Variants in DST observed in about 807,000 individuals in gnomAD.
DST encodes dystonin.
A neutral mutation model predicts 875.2 loss-of-function variants in DST; 253 were observed. The observed-to-expected ratio is 0.29, with a 90% CI of 0.26 to 0.32. DST has a LOEUF of 0.32. Among genes scored for constraint, DST ranks in the 10% least tolerant of loss-of-function variants. The probability of loss-of-function intolerance (pLI) is 1.00; values close to 1 mark genes in which losing one functional copy is unlikely to be tolerated. For synonymous variants in DST, 3,124 were observed against 3,197.1 expected, an observed-to-expected ratio of 0.98 and a Z score of 0.77; for missense variants, 8,287 against 9,111.6, an observed-to-expected ratio of 0.91 and a Z score of 3.68.
At chr6:56,516,198 G>GAGAAC (rs1562499505) in intron 71 of DST, among the ~76,000 whole-genome samples, 3 of 90,614 alleles carry the variant, frequency 3.3e-5, no homozygotes, top group Non-Finnish European at 7.0e-5. Context: ...AGAAAGAGAA[G>GAGAAC]GAGAAAGAGA....
At chr6:56,941,928 A>T (rs1816820258) in intron 2 of DST, among the ~76,000 whole-genome samples, 1 of 152,200 alleles carries the variant, frequency 6.6e-6, no homozygotes, top group South Asian at 2.1e-4. Flanking sequence ...TTGATCACCA[A>T]CTATGATTAC....
chr6:56,490,576 A>G (rs915745499), intron 85 of DST, among the ~76,000 whole-genome samples: 2 of 152,190 alleles, frequency 1.3e-5, no homozygotes, highest in African/African-American at 4.8e-5. Context: ...ACAAACCTTC[A>G]TATCCCTCTC....
chr6:56,642,658 C>T lies in DST; in HGVS notation c.1779-155G>A, dbSNP rs2098917807. On this transcript the variant is annotated intron_variant, in intron 15 of 103. Coordinates refer to ENST00000680361, the MANE Select transcript of DST (RefSeq NM_001374736.1). ...AAAGGATTCACTGCCGAAGCTAATG[C>T]AAGAGTTGATCAGTGTTGGACCACA... 3 of 1,614,150 alleles carry T rather than the reference C, an allele frequency of 1.9e-6. No individual in the cohort carries two copies. Among genetic ancestry groups the T allele is most frequent in the Non-Finnish European group, 2.5e-6 (3 of 1,180,016 alleles).
chr6:56,945,839 A>AT (rs936274512), intron 2 of DST: 5 of 151,526 alleles, frequency 3.3e-5, no homozygotes, highest in Non-Finnish European at 5.9e-5. Context: ...AGCATTCCAT[A>AT]TTTAAAAAAA....
chr6:56,699,613 C>T, intron 9 of DST, 40 bp downstream of exon 9: 2 of 993,294 alleles, frequency 2.0e-6, no homozygotes, highest in Non-Finnish European at 3.0e-6. Context: ...CACCTGAAAA[C>T]TAGCAATTAG....
chr6:56,485,679 C>T (rs571569071), intron 87 of DST, among the ~76,000 whole-genome samples: 45 of 152,270 alleles, frequency 3.0e-4, no homozygotes, highest in Admixed American at 8.5e-4. Flanking sequence ...GGCATCTGTT[C>T]CAGGAAAATT....
At chr6:56,464,804 G>T in intron 99 of DST, 48 bp from the exon 100 acceptor site, 1 of 1,396,102 alleles carries the variant, frequency 7.2e-7, no homozygotes. Flanking sequence ...AATACTGTTA[G>T]CAGAAGAAGA....
chr6:56,459,242 T>A lies in DST; in HGVS notation c.23220A>T (p.Pro7740=), dbSNP rs765987178. The part of the protein sequence containing the change: ...FADSKKTPSR[P]GSRAGSKAGS... The stretch of plus-strand genomic sequence containing the variant: ...CAGCTTTGCTTCCAGCTCGACTTCC[T>A]GGTCGGCTGGGAGTCTTCTTGGAAT... The change falls in exon 104 of 104, where the codon CCA becomes CCT. Residue 7740 remains proline, a synonymous_variant. Transcript: ENST00000680361. 66 of 1,612,816 alleles carry A rather than the reference T, an allele frequency of 4.1e-5. No homozygotes were observed. The highest frequency in any genetic ancestry group is 6.7e-5 in the Admixed American group (4 of 59,826).
chr6:56,926,380 G>A (rs1236522522), intron 2 of DST, among the ~76,000 whole-genome samples: 1 of 152,220 alleles, frequency 6.6e-6, no homozygotes, highest in Non-Finnish European at 1.5e-5. Context: ...CCTGGTGAAG[G>A]AGACAGACTT....
intron 4 of DST, among the ~76,000 whole-genome samples, chr6:56,802,557 C>A (rs1017715787): frequency 4.6e-5 from 7 of 151,942 alleles, no homozygotes; most frequent in African/African-American, 1.7e-4. Context: ...CTCCTAACTG[C>A]CAGCTAGACT....
At chr6:56,792,417 C>T (rs2099727908) in intron 4 of DST, among the ~76,000 whole-genome samples, 1 of 152,092 alleles carries the variant, frequency 6.6e-6, no homozygotes, top group Non-Finnish European at 1.5e-5. Flanking sequence ...AGTAGTAAAA[C>T]AGGTTCTTTT....
intron 2 of DST, among the ~76,000 whole-genome samples, chr6:56,920,051 T>C (rs571692551): frequency 2.0e-5 from 3 of 152,168 alleles, no homozygotes; most frequent in Non-Finnish European, 4.4e-5. Flanking sequence ...CATAAAAATT[T>C]TGATAAAAAC....
At chr6:56,516,165 GAGAAAGAGAA>G (rs1304583277) in intron 71 of DST, among the ~76,000 whole-genome samples, 6 of 76,220 alleles carry the variant, frequency 7.9e-5, no homozygotes, top group Non-Finnish European at 1.6e-4. Context: ...AAGAGAGAAA[GAGAAAGAGAA>G]AGAAAGAGAA....
chr6:56,635,422 T>C (rs140884444), intron 24 of DST, among the ~76,000 whole-genome samples, 167 bp downstream of exon 24: 153 of 152,250 alleles, frequency 1.0e-3, no homozygotes, highest in African/African-American at 3.6e-3. Context: ...AAAAAACACT[T>C]CTGTTGTATT....
chr6:56,670,413 G>A, intron 10 of DST: 2 of 322,490 alleles, frequency 6.2e-6, no homozygotes, highest in Non-Finnish European at 1.1e-5. Flanking sequence ...TGCCAAGGCT[G>A]TTCTCGAACT....
chr6:56,640,947 T>C (rs990283255), intron 17 of DST, among the ~76,000 whole-genome samples: 1 of 152,214 alleles, frequency 6.6e-6, no homozygotes, highest in Non-Finnish European at 1.5e-5. Context: ...TTCAATCTTA[T>C]TTGTCTTTAT....
chr6:56,471,997 C>T (rs1049177783), intron 94 of DST, 62 bp downstream of exon 94: 8 of 1,539,576 alleles, frequency 5.2e-6, no homozygotes, highest in Admixed American at 3.3e-5. Flanking sequence ...TTGGCAATGG[C>T]AATGTGTTAT....
chr6:56,492,906 A>G, intron 84 of DST, 28 bp downstream of exon 84: 1 of 1,487,386 alleles, frequency 6.7e-7, no homozygotes. Context: ...CTGAAAAGAG[A>G]ATCCTATCTA....
intron 4 of DST, among the ~76,000 whole-genome samples, chr6:56,793,823 A>G (rs977908283): frequency 2.6e-5 from 4 of 152,238 alleles, no homozygotes; most frequent in Admixed American, 6.5e-5. Context: ...GAAACATTAC[A>G]TTATAGAGTT....
Sources: gnomAD v4.1 joint callset for allele counts (sites outside exome capture counted in the v4.1 genomes callset) on GRCh38, gnomAD v4.1.1 for gene constraint, MANE v1.5 for transcripts, NCBI Gene and HGNC (gene_info 2026-07-23, HGNC 2026-07-21) for gene names.